The following FPGS variants were observed in gnomAD, a reference collection of about 807,000 sequenced individuals.
FPGS encodes the protein folylpolyglutamate synthase, also known as folylpolyglutamate synthase, mitochondrial.
In FPGS, 53 loss-of-function variants were observed where a neutral mutation model predicts 66.5. The ratio of observed to expected loss-of-function variants is 0.80; its 90% confidence interval spans 0.64 to 1.00. The LOEUF is 1.00. Among genes scored for constraint, FPGS ranks in the 50% least tolerant of loss-of-function variants. The pLI is 0.00. For missense variants in FPGS, 702 were observed against 807.7 expected, an observed-to-expected ratio of 0.87 and a Z score of 1.59; for synonymous variants, 348 against 350.9, an observed-to-expected ratio of 0.99 and a Z score of 0.09.
In FPGS at chr9:127,809,690, G is replaced by A. The variant is rs757804398; in HGVS notation, c.1067G>A (p.Arg356Gln). The A allele has an allele frequency of 6.3e-7, 1 of 1,587,654 alleles. No individual in the cohort carries two copies. Among genetic ancestry groups the A allele is most frequent in the Non-Finnish European group, 8.5e-7 (1 of 1,174,520 alleles). The change falls in exon 12 of 15, where the codon CGG (arginine) becomes CAG (glutamine). Residue 356 changes from arginine (R) to glutamine (Q), a missense_variant. Physicochemically the swap from Arg to Gln is conservative, Grantham distance 43. Coordinates refer to ENST00000373247, the MANE Select transcript of FPGS (RefSeq NM_004957.6). ...CCTTGCTGCCCTCCCCCAGGGCTTC[G>A]GAACACGGAGTGGCCGGGCCGGACG... The part of the protein sequence containing the change: ...QPTSHMRLGL[R>Q]NTEWPGRTQV...
Position 127,813,480 on chromosome 9 carries a change from A to T in FPGS, c.1640A>T (p.His547Leu), listed in dbSNP as rs1564448612. ...PPSPPKGLLT[H>L]PVAHSGASIL... is the part of the protein sequence containing the mutation. ...AGTCCCCCAAAGGGCCTCCTCACCC[A>T]CCCTGTGGCTCACAGTGGGGCCAGC... is the stretch of plus-strand genomic sequence containing the variant. The change falls in exon 15 of 15, where the codon CAC becomes CTC. Residue 547 changes from histidine (H) to leucine (L), a missense_variant. His to Leu is a moderately conservative substitution (Grantham distance 99). Around this residue, in one of 3 missense-constraint regions of FPGS, gnomAD observed 351 missense variants for 363.7 expected, o/e 0.97. Coordinates refer to ENST00000373247, the MANE Select transcript of FPGS (RefSeq NM_004957.6). 6.2e-7 allele frequency: 1 copy of T among 1,612,324 alleles called. No individual in the cohort carries two copies. Among genetic ancestry groups the T allele is most frequent in the Non-Finnish European group, 8.5e-7 (1 of 1,179,450 alleles).
In FPGS at chr9:127,813,847, T is replaced by C. The variant is rs941950832; in HGVS notation, c.*243T>C. 2 of 1,236,710 alleles carry C rather than the reference T, an allele frequency of 1.6e-6. No homozygotes were observed. The highest frequency in any genetic ancestry group is 3.1e-5 in the African/African-American group (2 of 64,268). The allele number at this position is 1,236,710 out of a possible 1,614,324, so 76.6% of individuals were successfully genotyped here. On this transcript the variant is annotated 3_prime_UTR_variant, in exon 15 of 15. Transcript: ENST00000373247. ...CGGGTCTCTCACTGTTGCAGTGGCC[T>C]GGCCGTTCAGCCTGTCTCCCCCAAC... is the stretch of plus-strand genomic sequence containing the variant.
rs144794595 is a variant in FPGS, at chr9:127,804,179, G to A, written c.139-106G>A. 6.7e-3 allele frequency: 9,596 copies of A among 1,428,300 alleles called. 64 individuals are homozygous for A. The highest frequency in any genetic ancestry group is 0.049 in the Middle Eastern group (257 of 5,286). The allele number at this position is 1,428,300 out of a possible 1,614,324, so 88.5% of individuals were successfully genotyped here. A position where few individuals can be genotyped will look rare whatever the true frequency, so the allele number is the denominator to read the frequency against. ...CAGTGCTGGCATGGCAGGCGGGCCT[G>A]GTACTGGCCTTGTTGCCCTGGCTTG... On this transcript the variant is annotated intron_variant, in intron 1 of 14. Transcript: ENST00000373247.
rs751093805 is a variant in FPGS at position 127,807,662 on chromosome 9, G to T, written c.718G>T (p.Ala240Ser). ...CCTGGGGGATACGGTGGAGAAGATC[G>T]CATGGCAGAAAGGGGGCATCTTTAA... is the stretch of plus-strand genomic sequence containing the variant. ...SLLGDTVEKI[A>S]WQKGGIFKQG... The change falls in exon 8 of 15, where the codon GCA (alanine) becomes TCA (serine). Residue 240 changes from alanine to serine, a missense_variant. Around this residue, in one of 3 missense-constraint regions of FPGS, gnomAD observed 240 missense variants for 348.6 expected, o/e 0.69. Coordinates refer to ENST00000373247, the MANE Select transcript of FPGS (RefSeq NM_004957.6). This position sits in a 1 kb window ranked among gnomAD's most constrained non-coding sequence, Gnocchi z 5.8. 3 of 1,593,530 alleles carry T rather than the reference G, an allele frequency of 1.9e-6. No homozygotes were observed. The highest frequency in any genetic ancestry group is 1.4e-5 in the African/African-American group (1 of 73,430).
Position 127,804,480 on chromosome 9 carries a change from C to T in FPGS, c.268-19C>T, listed in dbSNP as rs1829729239. The T allele has an allele frequency of 1.2e-6, 2 of 1,614,050 alleles. No individual in the cohort carries two copies. Among genetic ancestry groups the T allele is most frequent in the South Asian group, 1.1e-5 (1 of 91,082 alleles). ...GTGATTCCCGTAGCTGAGGCAGGGACCTTGTCTGTCTGTCCCAGGTGGAGG... is the reference window on the plus strand; with the variant it reads ...GTGATTCCCGTAGCTGAGGCAGGGATCTTGTCTGTCTGTCCCAGGTGGAGG... On this transcript the variant is annotated intron_variant, in intron 2 of 14. Coordinates refer to ENST00000373247, the MANE Select transcript of FPGS (RefSeq NM_004957.6).
chr9:127,804,560 G>C lies in FPGS; in HGVS notation c.321+8G>C, dbSNP rs368246059. On this transcript the variant is annotated splice_region_variant and intron_variant, in intron 3 of 14. Coordinates refer to ENST00000373247, the MANE Select transcript of FPGS (RefSeq NM_004957.6). ...ACTGGGACGAAGGGGAAGGTGAGGG[G>C]CAGGACCCTGGGGTAGGGGGTCTAT... is the stretch of plus-strand genomic sequence containing the variant. 7 of 1,614,078 alleles carry C rather than the reference G, an allele frequency of 4.3e-6. No homozygotes were observed. In the Admixed American group the frequency reaches 1.2e-4, roughly 27 times the overall value.
chr9:127,810,782 C>G (rs1163324241), intron 13 of FPGS, among the ~76,000 whole-genome samples, 163 bp from the exon 14 acceptor site: 1 of 152,180 alleles, frequency 6.6e-6, no homozygotes, highest in East Asian at 1.9e-4. Context: ...TATACTGAGG[C>G]AGATGGGGGC....
rs908243973 is a variant in FPGS, at chr9:127,810,072, A to G, written c.1253A>G (p.Asp418Gly). 2.5e-6 allele frequency: 4 copies of G among 1,592,172 alleles called. No homozygotes were observed. The highest frequency in any genetic ancestry group is 3.4e-6 in the Non-Finnish European group (4 of 1,168,198). ...GTCTTGCTCTTCAATGCTACCGGGG[A>G]CCGGGACCCGGCGGCCCTGCTGAAG... is the stretch of plus-strand genomic sequence containing the variant. The part of the protein sequence containing the change: ...VRVLLFNATG[D>G]RDPAALLKLL... The change falls in exon 13 of 15, where the codon GAC becomes GGC. Residue 418 changes from aspartate (D) to glycine (G), a missense_variant. Transcript: ENST00000373247.
intron 1 of FPGS, 136 bp downstream of exon 1, chr9:127,803,198 T>C: frequency 7.3e-6 from 7 of 961,704 alleles, no homozygotes; most frequent in African/African-American, 2.0e-5. Flanking sequence ...GGGCGGAACA[T>C]CCTGGAGGCT....
At chr9:127,803,132 C>T (rs1024653618) in intron 1 of FPGS, 70 bp downstream of exon 1, 13 of 1,276,268 alleles carry the variant, frequency 1.0e-5, no homozygotes, top group Non-Finnish European at 1.3e-5. Context: ...AGCCGCAGAA[C>T]ATCCGGGCTC....
chr9:127,804,952 G>A (rs928610249), intron 4 of FPGS: 18 of 450,040 alleles, frequency 4.0e-5, no homozygotes, highest in South Asian at 3.4e-4. Context: ...ACAATGGCAC[G>A]ATCTTGGCTC....
intron 14 of FPGS, among the ~76,000 whole-genome samples, chr9:127,811,508 C>A (rs1316653922): frequency 2.0e-5 from 3 of 151,840 alleles, no homozygotes; most frequent in Admixed American, 1.3e-4. Context: ...ATTTTTGAGA[C>A]AGAGTCTCAC....
At chr9:127,805,409 TA>T (rs60899479) in intron 4 of FPGS, among the ~76,000 whole-genome samples, 297 of 143,020 alleles carry the variant, frequency 2.1e-3, no homozygotes, top group Non-Finnish European at 1.8e-3. Context: ...ACTGCTATCT[TA>T]AAAAAAAAAA....
chr9:127,805,409 T>TAAA (rs60899479), intron 4 of FPGS, among the ~76,000 whole-genome samples: 1 of 143,704 alleles, frequency 7.0e-6, no homozygotes, highest in African/African-American at 2.6e-5. Flanking sequence ...ACTGCTATCT[T>TAAA]AAAAAAAAAA....
At chr9:127,809,159 T>G (rs1775332884) in intron 11 of FPGS, among the ~76,000 whole-genome samples, 1 of 151,912 alleles carries the variant, frequency 6.6e-6, no homozygotes, top group Non-Finnish European at 1.5e-5. Context: ...ATCACTAAGG[T>G]GCTGAGTGCA....
chr9:127,807,526 A>C lies in FPGS; in HGVS notation c.641+44A>C. ...GACGAGGGGTGGCAGCCAGGAGCAC[A>C]GCCTCACCTGCCGCCTGGTGGCTCA... is the stretch of plus-strand genomic sequence containing the variant. On this transcript the variant is annotated intron_variant, in intron 7 of 14. Coordinates refer to ENST00000373247, the MANE Select transcript of FPGS (RefSeq NM_004957.6). This position sits in a 1 kb window ranked among gnomAD's most constrained non-coding sequence, Gnocchi z 5.8. 6.2e-7 allele frequency: 1 copy of C among 1,612,526 alleles called. No homozygotes were observed. Among genetic ancestry groups the C allele is most frequent in the Non-Finnish European group, 8.5e-7 (1 of 1,178,882 alleles).
At chr9:127,806,676 T>C in intron 4 of FPGS, 1 of 395,864 alleles carries the variant, frequency 2.5e-6, no homozygotes, top group Non-Finnish European at 4.7e-6. Context: ...GTCAGCAGAG[T>C]GACTGATTGG....
rs759567528 is a variant in FPGS, at chr9:127,807,338, C to G, written c.579+52C>G. The G allele has an allele frequency of 6.2e-7, 1 of 1,612,524 alleles. No homozygotes were observed. The highest frequency in any genetic ancestry group is 8.5e-7 in the Non-Finnish European group (1 of 1,178,720). ...CATCTGAGGCCTTGGGAACGGGAAC[C>G]TCAGCAGGCCTGGGGGCTCCCTGCT... is the stretch of plus-strand genomic sequence containing the variant. On this transcript the variant is annotated intron_variant, in intron 6 of 14. Transcript: ENST00000373247. This position sits in a 1 kb window ranked among gnomAD's most constrained non-coding sequence, Gnocchi z 5.8.
Position 127,807,765 on chromosome 9 carries a change from G to A in FPGS, c.744+77G>A. 1.1e-6 allele frequency: 1 copy of A among 926,474 alleles called. No individual in the cohort carries two copies. Among genetic ancestry groups the A allele is most frequent in the Non-Finnish European group, 1.6e-6 (1 of 613,058 alleles). 57.4% of individuals were successfully genotyped at this position (926,474 alleles called of 1,614,324 possible). ...CGTTTTCATCCTGGCTTCACTGTGT[G>A]ACTGGAACAAGTTGAGTCTCCTCTC... On this transcript the variant is annotated intron_variant, in intron 8 of 14. Coordinates refer to ENST00000373247, the MANE Select transcript of FPGS (RefSeq NM_004957.6). The surrounding 1 kb of genome is among the most constrained non-coding windows in gnomAD (Gnocchi z 5.8).
Sources: gnomAD v4.1 joint callset for allele counts (sites outside exome capture counted in the v4.1 genomes callset) on GRCh38, gnomAD v4.1.1 for gene constraint, gnomAD v4.1.1 regional missense constraint, Gnocchi (gnomAD v3.1) non-coding constraint, MANE v1.5 for transcripts, NCBI Gene and HGNC (gene_info 2026-07-23, HGNC 2026-07-21) for gene names.